Variants in DIP2C observed in about 807,000 individuals in gnomAD.
The protein encoded by DIP2C is DIP2 acetate--CoA ligase C (putative).
A neutral mutation model predicts 192.4 loss-of-function variants in DIP2C; 33 were observed. The observed-to-expected ratio is 0.17, with a 90% CI of 0.13 to 0.23. DIP2C has a LOEUF of 0.23. DIP2C is among the 10% of genes least tolerant of loss of function. DIP2C has a pLI of 1.00. For missense variants in DIP2C, 1,537 were observed against 2,110.1 expected (o/e 0.73, Z 5.32); for synonymous variants, 979 against 864.1 (o/e 1.13, Z -2.33).
intron 3 of DIP2C, among the ~76,000 whole-genome samples, chr10:449,917 CAACAAA>C (rs1001565160): frequency 2.2e-4 from 5 of 22,532 alleles, no homozygotes; most frequent in African/African-American, 5.4e-4. Context: ...CAGTCAACAA[CAACAAA>C]AAAAAAAAAA....
intron 1 of DIP2C, among the ~76,000 whole-genome samples, chr10:560,789 T>C (rs1238301120): frequency 6.6e-6 from 1 of 152,088 alleles, no homozygotes; most frequent in East Asian, 1.9e-4. Flanking sequence ...CCTGAAAAAC[T>C]AGTCCAGGCC....
chr10:357,217 C>T lies in DIP2C; in HGVS notation c.2904+611G>A, dbSNP rs767325858. 6.6e-5 allele frequency among the ~76,000 whole-genome samples: 10 copies of T among 152,324 alleles called. No individual in the cohort carries two copies. In the East Asian group the frequency reaches 9.6e-4, roughly 15 times the overall value. On this transcript the variant is annotated intron_variant, in intron 23 of 36. Transcript: ENST00000280886. ...AAGGCCGAACGGTTCTAATGGGGACCGTGGACGCACACGGCACAATGTGCA... is the reference window on the plus strand; with the variant it reads ...AAGGCCGAACGGTTCTAATGGGGACTGTGGACGCACACGGCACAATGTGCA...
intron 2 of DIP2C, among the ~76,000 whole-genome samples, chr10:476,258 T>TG (rs2133467510): frequency 6.6e-6 from 1 of 152,292 alleles, no homozygotes; most frequent in African/African-American, 2.4e-5. Context: ...CAGGAGCACC[T>TG]GCTCAGCTAT....
At chr10:505,180 TC>T (rs1845510241) in intron 1 of DIP2C, among the ~76,000 whole-genome samples, 1 of 152,076 alleles carries the variant, frequency 6.6e-6, no homozygotes, top group Non-Finnish European at 1.5e-5. Flanking sequence ...GAGGAGCAAT[TC>T]CAATTGCTGA....
At chr10:607,688 G>A (rs568273219) in intron 1 of DIP2C, among the ~76,000 whole-genome samples, 2 of 152,278 alleles carry the variant, frequency 1.3e-5, no homozygotes, top group East Asian at 1.9e-4. Context: ...ACTAGTTCAC[G>A]CCATAAGGTT....
At position 313,258 on chromosome 10, in the gene DIP2C, G is replaced by A. The variant is rs897835406; in HGVS notation, c.3925-3166C>T. On this transcript the variant is annotated intron_variant, in intron 31 of 36. Coordinates refer to ENST00000280886, the MANE Select transcript of DIP2C (RefSeq NM_014974.3). ...CTCAGTATTTAAGGATCAAATACTT[G>A]CAATAAAGGACCCACAGACAAACAG... Among the ~76,000 whole-genome samples the A allele has an allele frequency of 3.3e-5, 5 of 152,210 alleles. No individual in the cohort carries two copies. In the South Asian group the frequency reaches 8.3e-4, roughly 25 times the overall value.
At chr10:489,568 C>T (rs906308982) in intron 1 of DIP2C, among the ~76,000 whole-genome samples, 2 of 151,916 alleles carry the variant, frequency 1.3e-5, no homozygotes, top group African/African-American at 2.4e-5. Context: ...TCTGACAGTG[C>T]CTGGTGCTTC....
At chr10:625,682 C>G (rs928340805) in intron 1 of DIP2C, among the ~76,000 whole-genome samples, 3 of 152,222 alleles carry the variant, frequency 2.0e-5, no homozygotes, top group African/African-American at 7.2e-5. Flanking sequence ...ACGGCTGAAG[C>G]AGGAACGAGC....
In DIP2C at chr10:422,850, G is replaced by A. The variant is rs112656020; in HGVS notation, c.578C>T (p.Ala193Val). 1.1e-5 allele frequency: 17 copies of A among 1,611,424 alleles called. No individual in the cohort carries two copies. The highest frequency in any genetic ancestry group is 6.7e-5 in the East Asian group (3 of 44,882). ...TATGTGGGTCTGAGCCATGACGTCC[G>A]CCAGCCTGTGGGCAGCCCCGCTGCC... ...SGGSGAAHRLADVMAQTHIEN... is the reference protein window; with the variant it reads ...SGGSGAAHRLVDVMAQTHIEN... Residue 193 changes from alanine (A) to valine (V), a missense_variant, in exon 5 of 37, where the codon GCG becomes GTG. By Grantham distance (64) the Ala-to-Val change is moderately conservative. Transcript: ENST00000280886.
chr10:299,949 A>T (rs961726812), intron 32 of DIP2C, among the ~76,000 whole-genome samples: 1 of 152,208 alleles, frequency 6.6e-6, no homozygotes, highest in Non-Finnish European at 1.5e-5. Flanking sequence ...CGCACACCAA[A>T]GCCACAACGA....
At chr10:289,945 G>A (rs1281661266) in intron 32 of DIP2C, among the ~76,000 whole-genome samples, 3 of 152,214 alleles carry the variant, frequency 2.0e-5, no homozygotes, top group Non-Finnish European at 2.9e-5. Flanking sequence ...GCTGTTGAGT[G>A]ACTGAGGCCA....
At chr10:390,937 G>A in intron 10 of DIP2C, 74 bp from the exon 11 acceptor site, 1 of 1,574,786 alleles carries the variant, frequency 6.4e-7, no homozygotes, top group African/African-American at 1.4e-5. Context: ...CCTCCCTCCA[G>A]CGTTCACACA....
chr10:606,811 G>A (rs956882555), intron 1 of DIP2C, among the ~76,000 whole-genome samples: 3 of 151,902 alleles, frequency 2.0e-5, no homozygotes, highest in South Asian at 2.1e-4. Flanking sequence ...AGCTACACAC[G>A]CACATCTGAC....
At chr10:489,495 C>T (rs1564780795) in intron 1 of DIP2C, among the ~76,000 whole-genome samples, 1 of 152,264 alleles carries the variant, frequency 6.6e-6, no homozygotes, top group Non-Finnish European at 1.5e-5. Flanking sequence ...TGAACAGCTT[C>T]TTGGGTTGGG....
chr10:333,198 C>T (rs1053009565), intron 29 of DIP2C, among the ~76,000 whole-genome samples: 4 of 152,194 alleles, frequency 2.6e-5, no homozygotes, highest in African/African-American at 7.2e-5. Context: ...CCACCGCACC[C>T]GGCCTATTCT....
chr10:592,941 C>CCAAA (rs1851487521), intron 1 of DIP2C, among the ~76,000 whole-genome samples: 1 of 152,128 alleles, frequency 6.6e-6, no homozygotes, highest in Non-Finnish European at 1.5e-5. Context: ...TTTTTAAACA[C>CCAAA]GAGGTCACTG....
At chr10:472,346 A>G (rs1970698440) in intron 3 of DIP2C, 93 bp downstream of exon 3, 1 of 1,195,530 alleles carries the variant, frequency 8.4e-7, no homozygotes, top group East Asian at 2.4e-5. Context: ...GTCCACGCCC[A>G]CTGCACTTCT....
In DIP2C at chr10:446,381, CCT is replaced by C. The variant is rs369691694; in HGVS notation, c.269-5387_269-5386del. On this transcript the variant is annotated intron_variant, in intron 3 of 36. Coordinates refer to ENST00000280886, the MANE Select transcript of DIP2C (RefSeq NM_014974.3). ...TCATGGTCCACTGGGCATCTGTATA[CCT>C]CTGTTGTGAAGAGTCCCATGGTCCA... Among the ~76,000 whole-genome samples, 151 of 152,226 alleles carry C rather than the reference CCT, an allele frequency of 9.9e-4. 1 individual carries two copies. Among genetic ancestry groups the C allele is most frequent in the African/African-American group, 3.4e-3 (141 of 41,524 alleles).
At position 390,726 on chromosome 10, in the gene DIP2C, G is replaced by T. The variant is rs1963397223; in HGVS notation, c.1384+14C>A. 1 of 1,610,318 alleles carries T rather than the reference G, an allele frequency of 6.2e-7. No homozygotes were observed. The highest frequency in any genetic ancestry group is 8.5e-7 in the Non-Finnish European group (1 of 1,178,616). On this transcript the variant is annotated intron_variant, in intron 11 of 36. Coordinates refer to ENST00000280886, the MANE Select transcript of DIP2C (RefSeq NM_014974.3). The stretch of plus-strand genomic sequence containing the variant: ...GACGTGGGCATGCGAGCTCTCGGAG[G>T]CTCGGTGGCTTACCTTTAAACTGTG...
Sources: gnomAD v4.1 joint callset for allele counts (sites outside exome capture counted in the v4.1 genomes callset) on GRCh38, gnomAD v4.1.1 for gene constraint, MANE v1.5 for transcripts, NCBI Gene and HGNC (gene_info 2026-07-23, HGNC 2026-07-21) for gene names.